Variants in ARHGAP24 observed in about 807,000 individuals in gnomAD.
ARHGAP24 encodes the protein Rho GTPase activating protein 24.
In ARHGAP24, 50 loss-of-function variants were observed where a neutral mutation model predicts 76.4. That is an observed-to-expected ratio of 0.65 (90% CI 0.52 to 0.83). The LOEUF is 0.83. ARHGAP24 is among the 40% of genes least tolerant of loss of function. ARHGAP24 has a pLI of 0.00. For missense variants in ARHGAP24, 930 were observed against 914.2 expected (o/e 1.02, Z -0.22); for synonymous variants, 345 against 323.3 (o/e 1.07, Z -0.72).
intron 2 of ARHGAP24, 132 bp from the exon 3 acceptor site, chr4:85,721,753 A>C: frequency 1.3e-6 from 1 of 763,196 alleles, no homozygotes; most frequent in South Asian, 1.5e-5. Flanking sequence ...GATTATTGGG[A>C]ATATAAAAGA....
At chr4:85,972,355 C>G (rs575628624) in intron 6 of ARHGAP24, 187 bp downstream of exon 6, 49 of 681,164 alleles carry the variant, frequency 7.2e-5, no homozygotes, top group Non-Finnish European at 1.0e-4. Context: ...CCTCTCTGAT[C>G]AAAAAAAAAG....
chr4:85,714,227 G>C (rs1430836490), intron 2 of ARHGAP24, among the ~76,000 whole-genome samples: 1 of 152,096 alleles, frequency 6.6e-6, no homozygotes, highest in Non-Finnish European at 1.5e-5. Flanking sequence ...AATTAACATG[G>C]GGTAAAGGAT....
chr4:85,733,060 C>CTTATTTTTTTTTTTTTTT, intron 3 of ARHGAP24, among the ~76,000 whole-genome samples: 1 of 55,206 alleles, frequency 1.8e-5, no homozygotes, highest in Non-Finnish European at 3.2e-5. Context: ...GCCTCACCAA[C>CTTATTTTTTTTTTTTTTT]TTTTTTTTTT....
rs547829921 is a variant in ARHGAP24 at position 85,819,530 on chromosome 4, A to G, written c.268+97558A>G. 2.0e-5 allele frequency among the ~76,000 whole-genome samples: 3 copies of G among 152,312 alleles called. No individual in the cohort carries two copies. In the South Asian group the frequency reaches 6.2e-4, roughly 32 times the overall value. On this transcript the variant is annotated intron_variant, in intron 3 of 9. Coordinates refer to ENST00000395184, the MANE Select transcript of ARHGAP24 (RefSeq NM_001025616.3). ...ATTCTCTGTTGAAATGTACAATGGT[A>G]GCAAAAAGAAAAATGAGTAAAAGAA...
intron 2 of ARHGAP24, among the ~76,000 whole-genome samples, chr4:85,691,143 A>G (rs1008961779): frequency 6.6e-6 from 1 of 151,514 alleles, no homozygotes; most frequent in African/African-American, 2.4e-5. Flanking sequence ...TTTCCATGTA[A>G]TTGTGTAGTT....
chr4:85,659,596 A>G (rs779623440), intron 2 of ARHGAP24, among the ~76,000 whole-genome samples: 40 of 152,338 alleles, frequency 2.6e-4, no homozygotes, highest in Middle Eastern at 3.4e-3. Flanking sequence ...ATTTGGAATG[A>G]TATAATTTTA....
chr4:85,577,998 A>G (rs1727455041), intron 2 of ARHGAP24, among the ~76,000 whole-genome samples: 2 of 152,170 alleles, frequency 1.3e-5, no homozygotes, highest in Admixed American at 6.5e-5. Context: ...AGTGGTAAAT[A>G]TCTTAGATTT....
chr4:85,884,809 A>T (rs1733468682), intron 3 of ARHGAP24, among the ~76,000 whole-genome samples: 1 of 152,148 alleles, frequency 6.6e-6, no homozygotes, highest in African/African-American at 2.4e-5. Flanking sequence ...AGTGTTGAGT[A>T]CAGAAATTGT....
At chr4:85,803,136 A>C (rs150900204) in intron 3 of ARHGAP24, among the ~76,000 whole-genome samples, 3 of 152,364 alleles carry the variant, frequency 2.0e-5, no homozygotes, top group African/African-American at 7.2e-5. Context: ...TAGGAGTTCA[A>C]CATGTAGTCC....
At position 85,544,011 on chromosome 4, in the gene ARHGAP24, C is replaced by G. The variant is rs1189290975; in HGVS notation, c.-20-26511C>G. Among the ~76,000 whole-genome samples, 3 of 152,100 alleles carry G rather than the reference C, an allele frequency of 2.0e-5. No homozygotes were observed. In the East Asian group the frequency reaches 5.8e-4, roughly 29 times the overall value. On this transcript the variant is annotated intron_variant, in intron 1 of 9. Transcript: ENST00000395184. Reference sequence around the variant, plus strand: ...TCCTGCTCCCACAACCAAAACATTCCTTTACTCCACCATTCTCATTCTCTC... The same window carrying G: ...TCCTGCTCCCACAACCAAAACATTCGTTTACTCCACCATTCTCATTCTCTC...
intron 3 of ARHGAP24, among the ~76,000 whole-genome samples, chr4:85,920,855 T>G (rs1374711090): frequency 6.6e-6 from 1 of 152,082 alleles, no homozygotes; most frequent in Non-Finnish European, 1.5e-5. Context: ...TGGCTATTAT[T>G]AAAAAGTCAA....
chr4:85,512,240 C>T (rs543957520), intron 1 of ARHGAP24, among the ~76,000 whole-genome samples: 26 of 152,184 alleles, frequency 1.7e-4, no homozygotes, highest in Non-Finnish European at 2.5e-4. Flanking sequence ...TCAACTGTAA[C>T]GTAGGTAATT....
chr4:85,675,816 T>C (rs1384138), intron 2 of ARHGAP24, among the ~76,000 whole-genome samples: 140,826 of 152,218 alleles, frequency 0.93, 65,191 homozygotes, highest in East Asian at 0.98. Context: ...CTGATGTTTA[T>C]GTGCTCCTAT....
intron 8 of ARHGAP24, among the ~76,000 whole-genome samples, chr4:85,983,446 T>C (rs1316089976): frequency 2.6e-5 from 4 of 152,170 alleles, no homozygotes; most frequent in Non-Finnish European, 4.4e-5. Flanking sequence ...TATTGTTTCT[T>C]GACTTTTTAA....
At chr4:85,553,407 T>A (rs1247011497) in intron 1 of ARHGAP24, among the ~76,000 whole-genome samples, 1 of 152,150 alleles carries the variant, frequency 6.6e-6, no homozygotes, top group Admixed American at 6.5e-5. Context: ...TTTTACATAG[T>A]GCTGATTGGT....
intron 3 of ARHGAP24, among the ~76,000 whole-genome samples, chr4:85,878,512 T>TA (rs199897214): frequency 0.011 from 1,652 of 152,242 alleles, 24 homozygotes; most frequent in African/African-American, 0.037. Context: ...CCCCTGTTGA[T>TA]AAAAAATAAT....
At chr4:85,791,977 G>A (rs1728150488) in intron 3 of ARHGAP24, among the ~76,000 whole-genome samples, 2 of 152,104 alleles carry the variant, frequency 1.3e-5, no homozygotes, top group Admixed American at 1.3e-4. Flanking sequence ...AAATTATGTG[G>A]TCAGGTTTGA....
intron 2 of ARHGAP24, among the ~76,000 whole-genome samples, chr4:85,626,009 C>G (rs1330621088): frequency 6.6e-6 from 1 of 152,154 alleles, no homozygotes; most frequent in Non-Finnish European, 1.5e-5. Context: ...ACTGATGGGT[C>G]TTGACTCTTT....
Position 85,487,381 on chromosome 4 carries a change from AT to A in ARHGAP24, c.-21+11823del, listed in dbSNP as rs1560505324. 1.0e-4 allele frequency among the ~76,000 whole-genome samples: 12 copies of A among 114,626 alleles called. No homozygotes were observed. The East Asian group carries it at 2.8e-3, about 27-fold the overall frequency. 75.2% of individuals were successfully genotyped at this position (114,626 alleles called of 152,430 possible). On this transcript the variant is annotated intron_variant, in intron 1 of 9. Transcript: ENST00000395184. Reference sequence around the variant, plus strand: ...TATAAATATATAAATATATATTTATATATATTATATAAACATGTAAATATAT... The same window carrying A: ...TATAAATATATAAATATATATTTATAATATTATATAAACATGTAAATATAT...
Sources: gnomAD v4.1 joint callset for allele counts (sites outside exome capture counted in the v4.1 genomes callset) on GRCh38, gnomAD v4.1.1 for gene constraint, MANE v1.5 for transcripts, NCBI Gene and HGNC (gene_info 2026-07-23, HGNC 2026-07-21) for gene names.